The following PPP2R2B variants were observed in gnomAD, a reference collection of about 807,000 sequenced individuals.
PPP2R2B encodes the protein protein phosphatase 2 regulatory subunit Bbeta.
PPP2R2B carries 5 observed loss-of-function variants against 46.0 expected under a neutral mutation model. That is an observed-to-expected ratio of 0.11 (90% confidence interval 0.06 to 0.23). The LOEUF (loss-of-function observed/expected upper bound fraction) is 0.23. Among genes scored for constraint, PPP2R2B ranks in the 10% least tolerant of loss-of-function variants. The probability of loss-of-function intolerance (pLI) is 1.00; values close to 1 mark genes in which losing one functional copy is unlikely to be tolerated. For synonymous variants in PPP2R2B, 215 were observed against 206.7 expected (o/e 1.04, Z -0.34); for missense variants, 367 against 575.0 (o/e 0.64, Z 3.70).
chr5:146,727,554 C>CTA (rs1485088995), intron 2 of PPP2R2B, among the ~76,000 whole-genome samples: 7 of 152,004 alleles, frequency 4.6e-5, no homozygotes, highest in African/African-American at 1.7e-4. Context: ...GAGGGATGAA[C>CTA]TATTACCTAT....
At chr5:146,713,510 T>C (rs759151402) in intron 2 of PPP2R2B, among the ~76,000 whole-genome samples, 11 of 152,226 alleles carry the variant, frequency 7.2e-5, no homozygotes, top group Non-Finnish European at 1.5e-4. Flanking sequence ...GGAAGGATAC[T>C]AAGTAGACAA....
intron 1 of PPP2R2B, among the ~76,000 whole-genome samples, chr5:147,034,543 G>A (rs1755946143): frequency 6.6e-6 from 1 of 152,048 alleles, no homozygotes; most frequent in Non-Finnish European, 1.5e-5. Context: ...CATTTCTTTG[G>A]AATGAGTCCA....
chr5:146,884,350 T>C (rs149013793), intron 1 of PPP2R2B, among the ~76,000 whole-genome samples: 1 of 152,250 alleles, frequency 6.6e-6, no homozygotes, highest in Non-Finnish European at 1.5e-5. Context: ...CAGAGGAAAA[T>C]TGATGTCGTT....
chr5:147,040,633 G>T, intron 1 of PPP2R2B: 1 of 373,990 alleles, frequency 2.7e-6, no homozygotes, highest in Non-Finnish European at 5.3e-6. Context: ...ATGCTTCAGG[G>T]GCTCAGTGTG....
chr5:146,920,675 C>T (rs374944996), intron 1 of PPP2R2B, among the ~76,000 whole-genome samples: 81 of 152,250 alleles, frequency 5.3e-4, no homozygotes, highest in African/African-American at 1.5e-3. Flanking sequence ...AGGCTGGCTA[C>T]GGGGGAGAGA....
At chr5:146,633,666 C>G (rs1774591185) in intron 7 of PPP2R2B, among the ~76,000 whole-genome samples, 1 of 152,240 alleles carries the variant, frequency 6.6e-6, no homozygotes, top group South Asian at 2.1e-4. Context: ...TGGGCAGAGG[C>G]CTGAAGGCCA....
chr5:146,812,452 T>G (rs554193019), intron 2 of PPP2R2B, among the ~76,000 whole-genome samples: 3 of 119,238 alleles, frequency 2.5e-5, no homozygotes, highest in Admixed American at 8.8e-5. Context: ...AGGCCTCTTC[T>G]GAGGACTAAG....
intron 2 of PPP2R2B, among the ~76,000 whole-genome samples, chr5:146,810,527 A>C (rs965831232): frequency 6.6e-6 from 1 of 152,302 alleles, no homozygotes; most frequent in East Asian, 1.9e-4. Context: ...AAACCATACC[A>C]GATGCGGAAA....
chr5:147,016,873 G>T (rs1031438672), intron 1 of PPP2R2B, among the ~76,000 whole-genome samples: 2 of 151,634 alleles, frequency 1.3e-5, no homozygotes, highest in African/African-American at 2.4e-5. Context: ...TTCTATTCCA[G>T]AGCAAGGAGT....
At chr5:146,936,703 C>T (rs569797685) in intron 1 of PPP2R2B, among the ~76,000 whole-genome samples, 1 of 152,044 alleles carries the variant, frequency 6.6e-6, no homozygotes, top group East Asian at 1.9e-4. Context: ...TTCGTTTAGC[C>T]CCTACGGCTG....
chr5:147,032,611 G>T (rs1237315325), intron 1 of PPP2R2B, among the ~76,000 whole-genome samples: 1 of 151,856 alleles, frequency 6.6e-6, no homozygotes, highest in Non-Finnish European at 1.5e-5. Context: ...ACAGATGTTT[G>T]GTGTTCCATT....
chr5:146,944,843 C>T (rs938165382), intron 1 of PPP2R2B, among the ~76,000 whole-genome samples: 19 of 151,982 alleles, frequency 1.3e-4, no homozygotes, highest in Admixed American at 3.3e-4. Context: ...AAGAAGAAAA[C>T]GAATGTCTGA....
intron 2 of PPP2R2B, among the ~76,000 whole-genome samples, chr5:147,075,452 A>G (rs1161315502): frequency 6.6e-6 from 1 of 152,114 alleles, no homozygotes; most frequent in African/African-American, 2.4e-5. Context: ...GCCAAATACC[A>G]TCTGCATGCT....
At chr5:146,628,909 A>G (rs1423871485) in intron 7 of PPP2R2B, among the ~76,000 whole-genome samples, 1 of 152,106 alleles carries the variant, frequency 6.6e-6, no homozygotes, top group African/African-American at 2.4e-5. Flanking sequence ...CTCAGCTTAC[A>G]TGTGTTGGTT....
Position 146,823,704 on chromosome 5 carries a change from C to T in PPP2R2B, c.70+54298G>A, listed in dbSNP as rs80113420. 4.5e-3 allele frequency among the ~76,000 whole-genome samples: 689 copies of T among 152,180 alleles called. 4 individuals are homozygous for T. Among genetic ancestry groups the T allele is most frequent in the African/African-American group, 0.016 (665 of 41,522 alleles). Reference sequence around the variant, plus strand: ...CATGACAAACATATGTTGTTCTTCTCAAGCAGAAGTATAAAATAATTCTTC... The same window carrying T: ...CATGACAAACATATGTTGTTCTTCTTAAGCAGAAGTATAAAATAATTCTTC... On this transcript the variant is annotated intron_variant, in intron 2 of 9. Transcript: ENST00000394411.
chr5:146,833,289 C>T (rs903839413), intron 2 of PPP2R2B, among the ~76,000 whole-genome samples: 2 of 152,062 alleles, frequency 1.3e-5, no homozygotes, highest in Admixed American at 6.6e-5. Context: ...TATCTACATC[C>T]CCAAGTAGAA....
At chr5:147,068,764 G>A (rs1227028453) in intron 2 of PPP2R2B, among the ~76,000 whole-genome samples, 2 of 152,148 alleles carry the variant, frequency 1.3e-5, no homozygotes, top group African/African-American at 2.4e-5. Flanking sequence ...GTTTTCCTTG[G>A]AAAATAGGCA....
At chr5:147,058,865 T>G (rs1311942857), upstream of PPP2R2B, among the ~76,000 whole-genome samples, 1 of 152,154 alleles carries the variant, frequency 6.6e-6, no homozygotes, top group Non-Finnish European at 1.5e-5. Flanking sequence ...CCACAGGAGA[T>G]CTCATATTTC....
intron 2 of PPP2R2B, among the ~76,000 whole-genome samples, chr5:146,870,211 A>T (rs1200969229): frequency 2.6e-5 from 4 of 152,178 alleles, no homozygotes; most frequent in Non-Finnish European, 5.9e-5. Flanking sequence ...GGAGGTTTTC[A>T]GTTCCCCAGT....
Sources: gnomAD v4.1 joint callset for allele counts (sites outside exome capture counted in the v4.1 genomes callset) on GRCh38, gnomAD v4.1.1 for gene constraint, MANE v1.5 for transcripts, NCBI Gene and HGNC (gene_info 2026-07-23, HGNC 2026-07-21) for gene names.